Variants in PKP2 observed in about 807,000 individuals in gnomAD.
PKP2 encodes the protein plakophilin 2, also known as plakophilin-2.
Under a neutral mutation model 83.4 loss-of-function variants are expected in PKP2, and 73 were observed. The observed-to-expected ratio is 0.88, with a 90% CI of 0.72 to 1.06. The LOEUF is 1.06. Among genes scored for constraint, PKP2 ranks in the 50% least tolerant of loss-of-function variants. The pLI is 0.00. For missense variants in PKP2, 966 were observed against 1,065.4 expected (o/e 0.91, Z 1.30); for synonymous variants, 409 against 430.4 (o/e 0.95, Z 0.62).
chr12:32,841,279 G>A (rs1449771927), intron 5 of PKP2, 74 bp from the exon 6 acceptor site: 2 of 1,239,926 alleles, frequency 1.6e-6, no homozygotes, highest in Non-Finnish European at 2.4e-6. Context: ...TTCAGTCAAG[G>A]CCATCAACTC....
At chr12:32,848,221 A>C (rs1235145862) in intron 5 of PKP2, among the ~76,000 whole-genome samples, 2 of 152,148 alleles carry the variant, frequency 1.3e-5, no homozygotes, top group Non-Finnish European at 2.9e-5. Context: ...TCAGGAGCTC[A>C]AGACCAGCCT....
intron 8 of PKP2, 143 bp downstream of exon 8, chr12:32,822,324 C>A (rs1005565433): frequency 1.5e-5 from 11 of 715,426 alleles, no homozygotes; most frequent in Non-Finnish European, 2.4e-5. Flanking sequence ...TAATAATACA[C>A]ACTTCAAAAG....
intron 6 of PKP2, among the ~76,000 whole-genome samples, chr12:32,826,962 G>A (rs750691565): frequency 2.6e-5 from 4 of 152,186 alleles, no homozygotes; most frequent in Non-Finnish European, 5.9e-5. Flanking sequence ...CATTCAGTCT[G>A]CAAATACCAT....
chr12:32,887,231 G>C (rs961525181), intron 1 of PKP2, among the ~76,000 whole-genome samples: 1 of 152,148 alleles, frequency 6.6e-6, no homozygotes, highest in Admixed American at 6.5e-5. Flanking sequence ...GGACAGAACA[G>C]CTCTCCTGCA....
chr12:32,802,034 C>T (rs1312438711), intron 10 of PKP2, among the ~76,000 whole-genome samples: 1 of 152,080 alleles, frequency 6.6e-6, no homozygotes, highest in African/African-American at 2.4e-5. Context: ...AAGAGAGCCA[C>T]AGAGAGAACA....
chr12:32,856,715 C>T (rs1362453168), intron 4 of PKP2, among the ~76,000 whole-genome samples: 29 of 151,306 alleles, frequency 1.9e-4, no homozygotes. Context: ...AACAAACCTG[C>T]ACGTTGTGCA....
intron 4 of PKP2, among the ~76,000 whole-genome samples, chr12:32,861,593 T>G (rs903879388): frequency 2.0e-5 from 3 of 152,170 alleles, no homozygotes; most frequent in South Asian, 2.1e-4. Context: ...AAGCCTAACG[T>G]GTATGTAATT....
At chr12:32,841,992 GA>G (rs1276700428) in intron 5 of PKP2, among the ~76,000 whole-genome samples, 1 of 152,144 alleles carries the variant, frequency 6.6e-6, no homozygotes, top group East Asian at 1.9e-4. Context: ...CCATATTAAA[GA>G]GAAAGACCAT....
rs1956665825 is a variant in PKP2 at position 32,848,236 on chromosome 12, A to G, written c.1378+2530T>C. 4.6e-5 allele frequency among the ~76,000 whole-genome samples: 7 copies of G among 152,182 alleles called. No homozygotes were observed. In the South Asian group the frequency reaches 1.4e-3, roughly 31 times the overall value. ...TCAGGAGCTCAAGACCAGCCTGATCAACGTGGCGAAACCCCGTCTCTACTA... is the reference window on the plus strand; with the variant it reads ...TCAGGAGCTCAAGACCAGCCTGATCGACGTGGCGAAACCCCGTCTCTACTA... On this transcript the variant is annotated intron_variant, in intron 5 of 12. Transcript: ENST00000340811.
At chr12:32,883,855 G>A (rs959027150) in intron 1 of PKP2, among the ~76,000 whole-genome samples, 8 of 152,148 alleles carry the variant, frequency 5.3e-5, no homozygotes, top group African/African-American at 1.9e-4. Context: ...TGAAGTGATG[G>A]GTTTCAGGAC....
At chr12:32,816,300 G>A (rs1192917241) in intron 9 of PKP2, among the ~76,000 whole-genome samples, 1 of 152,054 alleles carries the variant, frequency 6.6e-6, no homozygotes, top group African/African-American at 2.4e-5. Flanking sequence ...GAGTAACCAT[G>A]GTTTAACTCC....
At chr12:32,800,997 A>C (rs1442992177) in intron 10 of PKP2, among the ~76,000 whole-genome samples, 1 of 152,234 alleles carries the variant, frequency 6.6e-6, no homozygotes, top group Non-Finnish European at 1.5e-5. Flanking sequence ...GTTCAAGCTG[A>C]CTTTCACTTA....
At chr12:32,803,243 C>T (rs190372377) in intron 9 of PKP2, among the ~76,000 whole-genome samples, 3 of 152,082 alleles carry the variant, frequency 2.0e-5, no homozygotes, top group East Asian at 2.0e-4. Flanking sequence ...CGTGGTGGCA[C>T]GTGCCTGTAG....
chr12:32,871,949 G>A (rs1055559063), intron 3 of PKP2, among the ~76,000 whole-genome samples: 1 of 151,846 alleles, frequency 6.6e-6, no homozygotes, highest in East Asian at 1.9e-4. Flanking sequence ...GCATTCCCCC[G>A]TTCCAACTCC....
intron 3 of PKP2, among the ~76,000 whole-genome samples, chr12:32,875,590 T>G (rs1170347253): frequency 6.6e-6 from 1 of 152,084 alleles, no homozygotes; most frequent in East Asian, 1.9e-4. Flanking sequence ...AACAATCACA[T>G]GTGGAAAGAT....
chr12:32,857,362 G>A (rs1359536903), intron 4 of PKP2, among the ~76,000 whole-genome samples: 1 of 151,888 alleles, frequency 6.6e-6, no homozygotes, highest in Non-Finnish European at 1.5e-5. Context: ...GAAGGTTGAG[G>A]CTGCAGTGAG....
At chr12:32,830,295 C>A (rs1956486772) in intron 6 of PKP2, among the ~76,000 whole-genome samples, 1 of 152,172 alleles carries the variant, frequency 6.6e-6, no homozygotes, top group African/African-American at 2.4e-5. Context: ...CTAAGAGAAG[C>A]AGTACAGTCA....
chr12:32,837,455 T>C (rs1024913469), intron 6 of PKP2, among the ~76,000 whole-genome samples: 1 of 152,168 alleles, frequency 6.6e-6, no homozygotes, highest in Non-Finnish European at 1.5e-5. Context: ...TTTAGAGCAG[T>C]TTCTAGAACA....
intron 4 of PKP2, among the ~76,000 whole-genome samples, chr12:32,855,284 C>G: frequency 1.3e-5 from 2 of 152,168 alleles, no homozygotes; most frequent in Non-Finnish European, 2.9e-5. Context: ...GAGGTATCCA[C>G]GGGAGAGGCA....
Sources: gnomAD v4.1 joint callset for allele counts (sites outside exome capture counted in the v4.1 genomes callset) on GRCh38, gnomAD v4.1.1 for gene constraint, MANE v1.5 for transcripts, NCBI Gene and HGNC (gene_info 2026-07-23, HGNC 2026-07-21) for gene names.